The following GGA1 variants were observed in gnomAD, a reference collection of about 807,000 sequenced individuals.
GGA1 encodes the protein golgi associated, gamma adaptin ear containing, ARF binding protein 1.
Under a neutral mutation model 76.9 loss-of-function variants are expected in GGA1, and 18 were observed. That is an observed-to-expected ratio of 0.23 (90% CI 0.16 to 0.35). GGA1 has a LOEUF of 0.35. GGA1 is among the 10% of genes least tolerant of loss of function. GGA1 has a pLI of 1.00. For missense variants in GGA1, 755 were observed against 859.0 expected (o/e 0.88, Z 1.51); for synonymous variants, 342 against 354.7 (o/e 0.96, Z 0.40).
At chr22:37,610,374 A>G (rs5995482) in intron 1 of GGA1, 13,251 of 149,372 alleles carry the variant, frequency 0.089, 1,257 homozygotes, top group African/African-American at 0.23. Flanking sequence ...ACGGGTTTTC[A>G]CTCTTGTCAC....
At chr22:37,621,997 A>G (rs1929978753) in intron 7 of GGA1, among the ~76,000 whole-genome samples, 1 of 152,008 alleles carries the variant, frequency 6.6e-6, no homozygotes. Flanking sequence ...TTTAGTATTT[A>G]AAAATACTAA....
chr22:37,614,204 C>T lies in GGA1; in HGVS notation c.58C>T (p.Pro20Ser). The T allele has an allele frequency of 2.5e-6, 4 of 1,613,202 alleles. No homozygotes were observed. Among genetic ancestry groups the T allele is most frequent in the Non-Finnish European group, 3.4e-6 (4 of 1,179,334 alleles). The change falls in exon 2 of 17, where the codon CCC becomes TCC. Residue 20 changes from proline to serine, a missense_variant. By Grantham distance (74) the Pro-to-Ser change is moderately conservative (BLOSUM62 -1). Coordinates refer to ENST00000343632, the MANE Select transcript of GGA1 (RefSeq NM_013365.5). The stretch of plus-strand genomic sequence containing the variant: ...TCCTCTTCCAGATAGAGCCACGAAC[C>T]CCCTGAACAAGGAGCTCGACTGGGC... ...LEARINRATN[P>S]LNKELDWASI...
At chr22:37,631,868 C>T in intron 14 of GGA1, 128 bp from the exon 15 acceptor site, 4 of 737,606 alleles carry the variant, frequency 5.4e-6, no homozygotes, top group Middle Eastern at 7.2e-4. Flanking sequence ...AGGTAAGGCC[C>T]CAAAGGAGGA....
chr22:37,626,016 A>C, intron 11 of GGA1, 67 bp downstream of exon 11: 1 of 1,335,364 alleles, frequency 7.5e-7, no homozygotes, highest in South Asian at 1.4e-5. Context: ...CCCAGGGCCC[A>C]CTCACAGCTA....
intron 1 of GGA1, chr22:37,609,453 G>C: frequency 2.5e-6 from 1 of 395,296 alleles, no homozygotes; most frequent in Non-Finnish European, 3.7e-6. Flanking sequence ...GCCACATAGT[G>C]AGAAACCCCC....
Position 37,624,906 on chromosome 22 carries a change from C to A in GGA1, c.833-63C>A. 1 of 1,531,382 alleles carries A rather than the reference C, an allele frequency of 6.5e-7. No homozygotes were observed. Among genetic ancestry groups the A allele is most frequent in the South Asian group, 1.2e-5 (1 of 83,204 alleles). The allele number at this position is 1,531,382 out of a possible 1,614,324, so 94.9% of individuals were successfully genotyped here. On this transcript the variant is annotated intron_variant, in intron 9 of 16. Transcript: ENST00000343632. This position sits in a 1 kb window ranked among gnomAD's most constrained non-coding sequence, Gnocchi z 4.3. ...GCTGTGATGGATGTGGGGTCCTCGT[C>A]CCCTGCCGCCCAGAGGCCCCCACAG...
intron 3 of GGA1, chr22:37,617,546 G>A (rs1460020233): frequency 1.7e-5 from 17 of 987,640 alleles, no homozygotes; most frequent in African/African-American, 3.5e-5. Flanking sequence ...TAATACTTAC[G>A]TGTTTAGTTG....
rs200959237 is a variant in GGA1 at position 37,625,727 on chromosome 22, C to G, written c.941-70C>G. 7.9e-6 allele frequency: 10 copies of G among 1,261,468 alleles called. No homozygotes were observed. The highest frequency in any genetic ancestry group is 1.1e-5 in the Non-Finnish European group (10 of 934,160). 78.1% of individuals were successfully genotyped at this position (1,261,468 alleles called of 1,614,324 possible). Reference sequence around the variant, plus strand: ...CATCGGGGGTTAGGTGTTGCTCCCCCGCAACCCCTGTGGACTCTGAGAGAC... The same window carrying G: ...CATCGGGGGTTAGGTGTTGCTCCCCGGCAACCCCTGTGGACTCTGAGAGAC... On this transcript the variant is annotated intron_variant, in intron 10 of 16. Transcript: ENST00000343632. The surrounding 1 kb of genome is among the most constrained non-coding windows in gnomAD (Gnocchi z 4.1).
At chr22:37,618,359 G>C in intron 3 of GGA1, 89 bp from the exon 4 acceptor site, 1 of 724,688 alleles carries the variant, frequency 1.4e-6, no homozygotes, top group Non-Finnish European at 2.5e-6. Flanking sequence ...GCCCACCCAT[G>C]GGCTTCTGGC....
rs200692910 is a variant in GGA1, at chr22:37,629,482, C to T, written c.1114C>T (p.Pro372Ser). The T allele has an allele frequency of 1.3e-6, 2 of 1,591,522 alleles. No homozygotes were observed. The highest frequency in any genetic ancestry group is 1.4e-5 in the African/African-American group (1 of 73,034). ...CTCAGGCCTCAGTGACCCCACACCC[C>T]CTTCAGGCCCAAGCCTGGATGGTAC... ...MSLGLSDPTP[P>S]SGPSLDGTGW... The change falls in exon 12 of 17, where the codon CCT (proline) becomes TCT (serine). Residue 372 changes from proline to serine, a missense_variant. Transcript: ENST00000343632.
chr22:37,632,244 CAG>C lies in GGA1; in HGVS notation c.1698+80_1698+81del, dbSNP rs956957335. On this transcript the variant is annotated intron_variant, in intron 15 of 16. Transcript: ENST00000343632. This position sits in a 1 kb window ranked among gnomAD's most constrained non-coding sequence, Gnocchi z 5.1. Reference sequence around the variant, plus strand: ...TGGAGCTGGGTGGGGAGCCACCTGTCAGGGGGCAGGTCTCCCTCCCTTGCTGG... The same window carrying C: ...TGGAGCTGGGTGGGGAGCCACCTGTCGGGGCAGGTCTCCCTCCCTTGCTGG... The C allele has an allele frequency of 4.0e-5, 57 of 1,432,568 alleles. 1 individual carries two copies. In the Admixed American group the frequency reaches 5.6e-4, roughly 14 times the overall value. The allele number at this position is 1,432,568 out of a possible 1,614,324, so 88.7% of individuals were successfully genotyped here.
At position 37,614,199 on chromosome 22, in the gene GGA1, C is replaced by T. The variant is rs1928309008; in HGVS notation, c.53C>T (p.Thr18Met). The T allele has an allele frequency of 1.9e-6, 3 of 1,612,944 alleles. No homozygotes were observed. Among genetic ancestry groups the T allele is most frequent in the Non-Finnish European group, 2.5e-6 (3 of 1,179,126 alleles). Residue 18 changes from threonine to methionine, a missense_variant, in exon 2 of 17, where the codon ACG becomes ATG. Coordinates refer to ENST00000343632, the MANE Select transcript of GGA1 (RefSeq NM_013365.5). ...ETLEARINRA[T>M]NPLNKELDWA... ...AGCTCTCCTCTTCCAGATAGAGCCA[C>T]GAACCCCCTGAACAAGGAGCTCGAC...
chr22:37,621,573 G>A lies in GGA1; in HGVS notation c.529-43G>A, dbSNP rs571543713. ...TGTGACTCCAGTCTTCTGACCCCTGGCCCAGGTGCTGCCCTCACGGTCACA... is the reference window on the plus strand; with the variant it reads ...TGTGACTCCAGTCTTCTGACCCCTGACCCAGGTGCTGCCCTCACGGTCACA... On this transcript the variant is annotated intron_variant, in intron 6 of 16. Transcript: ENST00000343632. The A allele has an allele frequency of 8.3e-6, 11 of 1,318,262 alleles. No homozygotes were observed. The East Asian group carries it at 1.5e-4, about 18-fold the overall frequency. 81.7% of individuals were successfully genotyped at this position (1,318,262 alleles called of 1,614,324 possible).
At chr22:37,626,135 G>A in intron 11 of GGA1, 186 bp downstream of exon 11, 2 of 428,726 alleles carry the variant, frequency 4.7e-6, no homozygotes, top group Non-Finnish European at 4.1e-6. Flanking sequence ...GCTTGTGCGA[G>A]GCCACACGGC....
rs191111308 is a variant in GGA1 at position 37,632,888 on chromosome 22, G to A, written c.*177G>A. 3.7e-3 allele frequency: 2,199 copies of A among 592,406 alleles called. 9 individuals are homozygous for A. Among genetic ancestry groups the A allele is most frequent in the Non-Finnish European group, 5.9e-3 (1,943 of 329,784 alleles). 36.7% of individuals were successfully genotyped at this position (592,406 alleles called of 1,614,324 possible). ...CTCTTCCCCCTCCTGCTCCGGCCCC[G>A]CCCCTGCTGAGCCAAACCCAGTAGG... is the stretch of plus-strand genomic sequence containing the variant. On this transcript the variant is annotated 3_prime_UTR_variant, in exon 17 of 17. Coordinates refer to ENST00000343632, the MANE Select transcript of GGA1 (RefSeq NM_013365.5). The surrounding 1 kb of genome is among the most constrained non-coding windows in gnomAD (Gnocchi z 5.1).
At chr22:37,610,291 A>T (rs1297784010) in intron 1 of GGA1, 1 of 151,976 alleles carries the variant, frequency 6.6e-6, no homozygotes, top group Non-Finnish European at 1.5e-5. Flanking sequence ...GTGTCCTAGC[A>T]GAATTGTAAG....
In GGA1 at chr22:37,624,888, T is replaced by C. The variant is rs886623952; in HGVS notation, c.833-81T>C. The C allele has an allele frequency of 1.3e-5, 19 of 1,513,582 alleles. No individual in the cohort carries two copies. The highest frequency in any genetic ancestry group is 1.5e-5 in the Non-Finnish European group (17 of 1,123,062). The allele number at this position is 1,513,582 out of a possible 1,614,324, so 93.8% of individuals were successfully genotyped here. The stretch of plus-strand genomic sequence containing the variant: ...CCTTCCCCTCACACACAGGCTGTGA[T>C]GGATGTGGGGTCCTCGTCCCCTGCC... On this transcript the variant is annotated intron_variant, in intron 9 of 16. Coordinates refer to ENST00000343632, the MANE Select transcript of GGA1 (RefSeq NM_013365.5). The surrounding 1 kb of genome is among the most constrained non-coding windows in gnomAD (Gnocchi z 4.3).
chr22:37,624,903 C>T lies in GGA1; in HGVS notation c.833-66C>T, dbSNP rs1485994839. On this transcript the variant is annotated intron_variant, in intron 9 of 16. Coordinates refer to ENST00000343632, the MANE Select transcript of GGA1 (RefSeq NM_013365.5). This position sits in a 1 kb window ranked among gnomAD's most constrained non-coding sequence, Gnocchi z 4.3. ...CAGGCTGTGATGGATGTGGGGTCCT[C>T]GTCCCCTGCCGCCCAGAGGCCCCCA... The T allele has an allele frequency of 5.2e-6, 8 of 1,528,890 alleles. No homozygotes were observed. The highest frequency in any genetic ancestry group is 2.5e-5 in the East Asian group (1 of 40,518). 94.7% of individuals were successfully genotyped at this position (1,528,890 alleles called of 1,614,324 possible). A position where few individuals can be genotyped will look rare whatever the true frequency, so the allele number is the denominator to read the frequency against.
At chr22:37,616,281 T>A (rs1928777063) in intron 2 of GGA1, among the ~76,000 whole-genome samples, 1 of 152,170 alleles carries the variant, frequency 6.6e-6, no homozygotes, top group African/African-American at 2.4e-5. Flanking sequence ...GGGTGAGTGG[T>A]TGCCTCTGAG....
Sources: allele counts gnomAD v4.1 joint callset (sites outside exome capture counted in the v4.1 genomes callset), GRCh38; gene constraint gnomAD v4.1.1; non-coding constraint Gnocchi (gnomAD v3.1); transcripts MANE v1.5; gene names NCBI Gene and HGNC (gene_info 2026-07-23, HGNC 2026-07-21).